The following ARID5B variants were observed in gnomAD, a reference collection of about 807,000 sequenced individuals.
ARID5B encodes the protein AT-rich interactive domain-containing protein 5B.
A neutral mutation model predicts 97.2 loss-of-function variants in ARID5B; 13 were observed. The observed-to-expected ratio is 0.13, with a 90% confidence interval of 0.09 to 0.21. The LOEUF (loss-of-function observed/expected upper bound fraction) is 0.21, where lower values mean the gene tolerates loss of function less well. Among genes scored for constraint, ARID5B ranks in the 10% least tolerant of loss-of-function variants. The pLI is 1.00. For missense variants in ARID5B, 1,210 were observed against 1,465.3 expected (o/e 0.83, Z 2.84); for synonymous variants, 556 against 570.3 (o/e 0.97, Z 0.36).
intron 4 of ARID5B, among the ~76,000 whole-genome samples, chr10:62,017,221 GGT>G (rs1310365314): frequency 5.9e-5 from 9 of 152,176 alleles, no homozygotes; most frequent in Non-Finnish European, 1.0e-4. Flanking sequence ...GGGAGGCCAA[GGT>G]GGGTGGATCA....
intron 2 of ARID5B, among the ~76,000 whole-genome samples, chr10:61,911,104 A>G (rs1843796503): frequency 6.6e-6 from 1 of 152,232 alleles, no homozygotes; most frequent in South Asian, 2.1e-4. Context: ...AAGCCTCATC[A>G]GTGGCACTAA....
intron 3 of ARID5B, among the ~76,000 whole-genome samples, chr10:61,987,378 T>C (rs1017810853): frequency 1.3e-5 from 2 of 152,202 alleles, no homozygotes; most frequent in Non-Finnish European, 2.9e-5. Context: ...AATTCAGACA[T>C]GCTACAGACC....
At chr10:61,922,473 C>T (rs1844033699) in intron 2 of ARID5B, among the ~76,000 whole-genome samples, 1 of 151,700 alleles carries the variant, frequency 6.6e-6, no homozygotes, top group African/African-American at 2.4e-5. Flanking sequence ...CGTGGTGGCA[C>T]ATGCTTGTAG....
At chr10:61,932,658 G>T (rs1410535915) in intron 2 of ARID5B, among the ~76,000 whole-genome samples, 1 of 151,956 alleles carries the variant, frequency 6.6e-6, no homozygotes, top group East Asian at 1.9e-4. Context: ...GCCATGCATT[G>T]GTTGACACTT....
In ARID5B at chr10:62,093,302, A is replaced by G. The variant is rs1261569716; in HGVS notation, c.*272A>G. ...ATTCACTTCGCACGTGGGCCTTGTG[A>G]AGGGATTTGTGAATATCCAGGAAGA... is the stretch of plus-strand genomic sequence containing the variant. On this transcript the variant is annotated 3_prime_UTR_variant, in exon 10 of 10. Coordinates refer to ENST00000279873, the MANE Select transcript of ARID5B (RefSeq NM_032199.3). 2.7e-6 allele frequency: 1 copy of G among 366,312 alleles called. No homozygotes were observed. The highest frequency in any genetic ancestry group is 4.9e-6 in the Non-Finnish European group (1 of 204,756). 22.7% of individuals were successfully genotyped at this position (366,312 alleles called of 1,614,324 possible). A position where few individuals can be genotyped will look rare whatever the true frequency, so the allele number is the denominator to read the frequency against.
intron 4 of ARID5B, among the ~76,000 whole-genome samples, chr10:62,026,792 C>G (rs571373683): frequency 3.9e-5 from 6 of 152,296 alleles, no homozygotes; most frequent in African/African-American, 1.4e-4. Flanking sequence ...TTGATTATGT[C>G]TCTTTCACTC....
intron 3 of ARID5B, among the ~76,000 whole-genome samples, chr10:61,944,440 TAGTA>T (rs1033584553): frequency 1.1e-4 from 17 of 152,228 alleles, no homozygotes; most frequent in African/African-American, 4.1e-4. Flanking sequence ...ACAAAATTTT[TAGTA>T]AGTAAGGAAT....
rs376124965 is a variant in ARID5B at position 62,091,864 on chromosome 10, G to A, written c.2401G>A (p.Val801Ile). Residue 801 changes from valine to isoleucine, a missense_variant, in exon 10 of 10, where the codon GTC becomes ATC. Physicochemically the swap from Val to Ile is conservative, Grantham distance 29. Around this residue, in one of 8 missense-constraint regions of ARID5B, gnomAD observed 800 missense variants for 839.1 expected, o/e 0.95. Transcript: ENST00000279873. ...CCTTAACCCCCTTGCTGACTCCTACGTCCTGAAGCAAGAAATTCAGGAGGG... is the reference window on the plus strand; with the variant it reads ...CCTTAACCCCCTTGCTGACTCCTACATCCTGAAGCAAGAAATTCAGGAGGG... ...HHLNPLADSY[V>I]LKQEIQEGKD... The A allele has an allele frequency of 1.6e-5, 26 of 1,613,876 alleles. No homozygotes were observed. Among genetic ancestry groups the A allele is most frequent in the Non-Finnish European group, 1.9e-5 (23 of 1,179,994 alleles).
At chr10:62,087,706 C>T (rs1278691472) in intron 9 of ARID5B, among the ~76,000 whole-genome samples, 2 of 152,124 alleles carry the variant, frequency 1.3e-5, no homozygotes, top group African/African-American at 4.8e-5. Context: ...ACAACACGCA[C>T]CAACCTCCCA....
intron 3 of ARID5B, among the ~76,000 whole-genome samples, chr10:61,951,264 G>A (rs982044587): frequency 1.3e-5 from 2 of 152,210 alleles, no homozygotes; most frequent in South Asian, 2.1e-4. Flanking sequence ...AGTAGGGGCT[G>A]AGCAAATAGT....
chr10:62,061,769 T>A (rs1312099208), intron 7 of ARID5B, among the ~76,000 whole-genome samples: 2 of 152,200 alleles, frequency 1.3e-5, no homozygotes, highest in African/African-American at 4.8e-5. Flanking sequence ...GAACTCTTCC[T>A]GCATCTGTTG....
At chr10:61,978,699 C>T (rs1388160115) in intron 3 of ARID5B, among the ~76,000 whole-genome samples, 5 of 152,134 alleles carry the variant, frequency 3.3e-5, no homozygotes, top group African/African-American at 7.2e-5. Flanking sequence ...GTGATTTTTG[C>T]ACATTGATTT....
At chr10:61,986,621 T>G (rs575939895) in intron 3 of ARID5B, among the ~76,000 whole-genome samples, 10 of 152,324 alleles carry the variant, frequency 6.6e-5, no homozygotes, top group African/African-American at 2.4e-4. Context: ...TTCCCCCCTG[T>G]GCATTAAAAT....
At position 62,000,312 on chromosome 10, in the gene ARID5B, G is replaced by A. The variant is rs751880754; in HGVS notation, c.724G>A (p.Asp242Asn). 1.9e-6 allele frequency: 3 copies of A among 1,603,322 alleles called. No individual in the cohort carries two copies. The highest frequency in any genetic ancestry group is 8.5e-7 in the Non-Finnish European group (1 of 1,174,474). The change falls in exon 4 of 10, where the codon GAT (aspartate) becomes AAT (asparagine). Residue 242 changes from aspartate (D) to asparagine (N), a missense_variant. Coordinates refer to ENST00000279873, the MANE Select transcript of ARID5B (RefSeq NM_032199.3). This position sits in a 1 kb window ranked among gnomAD's most constrained non-coding sequence, Gnocchi z 4.4. ...PTLIENESIC[D>N]EFAPNLKGRP... ...TCTCATAGAAAACGAGAGTATATGC[G>A]ATGAGTTTGGTGAGTCTTTTTTTTT...
chr10:62,007,083 A>G (rs1190437717), intron 4 of ARID5B, among the ~76,000 whole-genome samples: 3 of 152,216 alleles, frequency 2.0e-5, no homozygotes, highest in Non-Finnish European at 1.5e-5. Context: ...TAAAAAACAT[A>G]CATGCTGCAG....
intron 6 of ARID5B, 80 bp downstream of exon 6, chr10:62,057,398 AT>A: frequency 7.2e-7 from 1 of 1,389,060 alleles, no homozygotes; most frequent in Non-Finnish European, 1.0e-6. Context: ...TTGACTCAGG[AT>A]TATGTTGAAA....
At chr10:62,049,118 T>C in intron 4 of ARID5B, 18 of 1,123,982 alleles carry the variant, frequency 1.6e-5, no homozygotes, top group Non-Finnish European at 2.0e-5. Context: ...TCATGGAACG[T>C]GGCATCGTGC....
intron 3 of ARID5B, among the ~76,000 whole-genome samples, chr10:61,995,461 C>G (rs2132861232): frequency 6.6e-6 from 1 of 152,192 alleles, no homozygotes; most frequent in South Asian, 2.1e-4. Flanking sequence ...ATAAAATATG[C>G]CGACCATTGA....
intron 3 of ARID5B, among the ~76,000 whole-genome samples, chr10:61,965,141 G>A (rs1276675775): frequency 2.0e-5 from 3 of 152,164 alleles, no homozygotes; most frequent in Admixed American, 6.5e-5. Flanking sequence ...GGTAAACATT[G>A]CGAATGGATG....
Sources: allele counts gnomAD v4.1 joint callset (sites outside exome capture counted in the v4.1 genomes callset), GRCh38; gene constraint gnomAD v4.1.1; regional missense constraint gnomAD v4.1.1; non-coding constraint Gnocchi (gnomAD v3.1); transcripts MANE v1.5; gene names NCBI Gene and HGNC (gene_info 2026-07-23, HGNC 2026-07-21).